Variants in SPATA17 observed in about 807,000 individuals in gnomAD.
SPATA17 encodes the protein spermatogenesis associated 17.
In SPATA17, 53 loss-of-function variants were observed where a neutral mutation model predicts 62.2. That is an observed-to-expected ratio of 0.85 (90% CI 0.68 to 1.07). The LOEUF is 1.07. Among genes scored for constraint, SPATA17 ranks in the 50% least tolerant of loss-of-function variants. The pLI is 0.00. For synonymous variants in SPATA17, 146 were observed against 146.8 expected (o/e 0.99, Z 0.04); for missense variants, 466 against 425.5 (o/e 1.10, Z -0.84).
chr1:217,738,142 G>C (rs1436152367), intron 5 of SPATA17, among the ~76,000 whole-genome samples: 1 of 152,044 alleles, frequency 6.6e-6, no homozygotes. Context: ...GCTGTCTTTA[G>C]CCACACAGGT....
chr1:217,831,989 AGAATTT>A (rs1266119605), intron 9 of SPATA17, among the ~76,000 whole-genome samples: 1 of 152,190 alleles, frequency 6.6e-6, no homozygotes, highest in Non-Finnish European at 1.5e-5. Context: ...AGAAATAAAT[AGAATTT>A]GAAATTATAC....
chr1:217,714,502 T>TTTTTTTTTTTTTTAG (rs1294219534), intron 5 of SPATA17, among the ~76,000 whole-genome samples: 1 of 148,544 alleles, frequency 6.7e-6, no homozygotes, highest in Non-Finnish European at 1.5e-5. Context: ...TTTTTTTTTT[T>TTTTTTTTTTTTTTAG]GAGACAGAGT....
intron 1 of SPATA17, among the ~76,000 whole-genome samples, chr1:217,635,040 G>C (rs1439123649): frequency 6.6e-6 from 1 of 152,082 alleles, no homozygotes; most frequent in Non-Finnish European, 1.5e-5. Context: ...GTACTTTGTG[G>C]AGAAAAGAGT....
intron 10 of SPATA17, among the ~76,000 whole-genome samples, chr1:217,864,207 G>C (rs182251914): frequency 6.6e-6 from 1 of 152,262 alleles, no homozygotes; most frequent in Non-Finnish European, 1.5e-5. Flanking sequence ...AGAGTATGAA[G>C]TAATGTAAAT....
At chr1:217,718,180 G>C (rs1171377373) in intron 5 of SPATA17, among the ~76,000 whole-genome samples, 2 of 152,164 alleles carry the variant, frequency 1.3e-5, no homozygotes, top group Admixed American at 1.3e-4. Context: ...CAAGGCACAG[G>C]AGAAGATGAG....
intron 8 of SPATA17, among the ~76,000 whole-genome samples, chr1:217,798,292 T>C (rs977817558): frequency 3.3e-5 from 5 of 152,156 alleles, no homozygotes; most frequent in Non-Finnish European, 7.4e-5. Context: ...ACAATAAAAT[T>C]CATAAGACCT....
At chr1:217,856,294 C>T (rs1675784485) in intron 9 of SPATA17, among the ~76,000 whole-genome samples, 1 of 152,146 alleles carries the variant, frequency 6.6e-6, no homozygotes, top group Non-Finnish European at 1.5e-5. Flanking sequence ...GTTTTAATTG[C>T]TTCACATGGA....
chr1:217,708,769 T>C (rs1414817033), intron 5 of SPATA17, among the ~76,000 whole-genome samples: 1 of 151,124 alleles, frequency 6.6e-6, no homozygotes, highest in African/African-American at 2.4e-5. Context: ...TGAACATAGA[T>C]GCAAAAATCC....
chr1:217,689,075 C>T (rs531569963), intron 5 of SPATA17, among the ~76,000 whole-genome samples: 1 of 152,200 alleles, frequency 6.6e-6, no homozygotes, highest in African/African-American at 2.4e-5. Context: ...ACTTATTTAA[C>T]AACTACCATG....
intron 1 of SPATA17, among the ~76,000 whole-genome samples, chr1:217,641,072 AT>A (rs1670051585): frequency 6.6e-6 from 1 of 152,116 alleles, no homozygotes; most frequent in Non-Finnish European, 1.5e-5. Context: ...TAGGGCAAAA[AT>A]TTTGTTTCGA....
chr1:217,776,885 G>A (rs1673608351), intron 7 of SPATA17, among the ~76,000 whole-genome samples: 1 of 152,056 alleles, frequency 6.6e-6, no homozygotes, highest in Admixed American at 6.6e-5. Flanking sequence ...CTGGGTGAGT[G>A]ATCCTAGGGA....
intron 6 of SPATA17, 22 bp from the exon 7 acceptor site, chr1:217,774,312 A>C: frequency 6.3e-7 from 1 of 1,590,074 alleles, no homozygotes; most frequent in African/African-American, 1.4e-5. Context: ...GAAAAAATCA[A>C]AATTGCTTTC....
At chr1:217,758,086 A>G (rs1673090290) in intron 6 of SPATA17, among the ~76,000 whole-genome samples, 1 of 152,222 alleles carries the variant, frequency 6.6e-6, no homozygotes, top group African/African-American at 2.4e-5. Flanking sequence ...CTGATATTGT[A>G]GGCATGCAGA....
chr1:217,733,198 A>G (rs1018512689), intron 5 of SPATA17, among the ~76,000 whole-genome samples: 1 of 152,138 alleles, frequency 6.6e-6, no homozygotes, highest in Non-Finnish European at 1.5e-5. Flanking sequence ...TTTCATTCTC[A>G]AACTGTCTTG....
chr1:217,664,988 GA>G (rs1307233873), intron 3 of SPATA17, among the ~76,000 whole-genome samples: 3 of 151,698 alleles, frequency 2.0e-5, no homozygotes, highest in Non-Finnish European at 4.4e-5. Flanking sequence ...AAAGGGAGAA[GA>G]AAAAAACGTG....
At chr1:217,632,239 T>C (rs1669812964) in intron 1 of SPATA17, among the ~76,000 whole-genome samples, 2 of 152,032 alleles carry the variant, frequency 1.3e-5, no homozygotes. Flanking sequence ...GTCTAAACCA[T>C]TCTGACACGG....
intron 6 of SPATA17, among the ~76,000 whole-genome samples, chr1:217,743,186 T>C (rs1672665776): frequency 6.6e-6 from 1 of 152,040 alleles, no homozygotes; most frequent in East Asian, 1.9e-4. Context: ...GAAATAGATA[T>C]GGCACTCGGC....
intron 9 of SPATA17, among the ~76,000 whole-genome samples, chr1:217,818,740 T>C (rs1674783047): frequency 6.6e-6 from 1 of 151,878 alleles, no homozygotes; most frequent in Admixed American, 6.6e-5. Flanking sequence ...GAAATATTTA[T>C]TAGATTATAG....
intron 8 of SPATA17, among the ~76,000 whole-genome samples, chr1:217,799,806 C>T (rs1023122878): frequency 6.6e-6 from 1 of 151,894 alleles, no homozygotes; most frequent in Non-Finnish European, 1.5e-5. Context: ...TAAATTAGAT[C>T]ATCTGTGTGA....
Sources: gnomAD v4.1 joint callset for allele counts (sites outside exome capture counted in the v4.1 genomes callset) on GRCh38, gnomAD v4.1.1 for gene constraint, MANE v1.5 for transcripts, NCBI Gene and HGNC (gene_info 2026-07-23, HGNC 2026-07-21) for gene names.